The following CNTNAP5 variants were observed in gnomAD, a reference collection of about 807,000 sequenced individuals.
CNTNAP5 encodes contactin associated protein family member 5.
CNTNAP5 carries 72 observed loss-of-function variants against 150.2 expected under a neutral mutation model. The ratio of observed to expected loss-of-function variants is 0.48; its 90% confidence interval spans 0.40 to 0.58. The LOEUF (loss-of-function observed/expected upper bound fraction) is 0.58, where lower values mean the gene tolerates loss of function less well. Among genes scored for constraint, CNTNAP5 ranks in the 20% least tolerant of loss-of-function variants. The pLI is 0.00. For missense variants in CNTNAP5, 1,636 were observed against 1,626.2 expected (o/e 1.01, Z -0.10); for synonymous variants, 672 against 619.8 (o/e 1.08, Z -1.25).
At chr2:124,807,723 G>A in intron 19 of CNTNAP5, among the ~76,000 whole-genome samples, 1 of 152,144 alleles carries the variant, frequency 6.6e-6, no homozygotes, top group East Asian at 1.9e-4. Flanking sequence ...CAAGGAACCT[G>A]CCATGTTTTT....
At chr2:124,772,340 T>G (rs549634402) in intron 16 of CNTNAP5, among the ~76,000 whole-genome samples, 1 of 152,206 alleles carries the variant, frequency 6.6e-6, no homozygotes, top group Admixed American at 6.5e-5. Flanking sequence ...TGAGCTTTTT[T>G]CATTATGGAA....
intron 13 of CNTNAP5, among the ~76,000 whole-genome samples, chr2:124,706,822 G>T (rs1383207666): frequency 1.4e-4 from 1 of 7,318 alleles, no homozygotes; most frequent in African/African-American, 4.5e-4. Context: ...GGAGGAGGAG[G>T]AGGAAGAGGA....
At chr2:124,713,244 TC>T (rs763183364) in intron 13 of CNTNAP5, among the ~76,000 whole-genome samples, 1,928 of 22,678 alleles carry the variant, frequency 0.085, 273 homozygotes, top group Non-Finnish European at 0.12. Context: ...TCTTTCTTTC[TC>T]TTTCTTTCTT....
At chr2:124,235,329 A>G (rs1686722025) in intron 2 of CNTNAP5, among the ~76,000 whole-genome samples, 1 of 152,088 alleles carries the variant, frequency 6.6e-6, no homozygotes. Context: ...CAGCTGAAGG[A>G]TGAGTTCACC....
chr2:124,798,035 G>A (rs1681883564), intron 18 of CNTNAP5, 61 bp from the exon 19 acceptor site: 1 of 1,312,024 alleles, frequency 7.6e-7, no homozygotes, highest in Non-Finnish European at 1.1e-6. Context: ...AGCAGCTAAG[G>A]TTAGCTTGAA....
chr2:124,751,584 T>C (rs966674993), intron 14 of CNTNAP5, among the ~76,000 whole-genome samples: 1 of 152,256 alleles, frequency 6.6e-6, no homozygotes, highest in African/African-American at 2.4e-5. Context: ...TCAACATACA[T>C]GCAACTTATT....
At chr2:124,637,750 A>AT (rs965796862) in intron 12 of CNTNAP5, among the ~76,000 whole-genome samples, 3 of 151,954 alleles carry the variant, frequency 2.0e-5, no homozygotes, top group East Asian at 3.9e-4. Context: ...TACAGAAGAG[A>AT]TTTTTTTCCC....
intron 7 of CNTNAP5, among the ~76,000 whole-genome samples, chr2:124,483,370 G>A (rs186777404): frequency 4.6e-5 from 7 of 152,312 alleles, no homozygotes; most frequent in African/African-American, 1.7e-4. Context: ...AATATGGAAG[G>A]CTGAAATTGT....
At chr2:124,910,349 A>C (rs1354876856) in intron 22 of CNTNAP5, among the ~76,000 whole-genome samples, 2 of 152,134 alleles carry the variant, frequency 1.3e-5, no homozygotes, top group East Asian at 3.9e-4. Context: ...AGAAGAAACA[A>C]GATTTAGTGA....
intron 3 of CNTNAP5, among the ~76,000 whole-genome samples, chr2:124,338,169 T>C (rs1181197151): frequency 6.6e-6 from 1 of 152,042 alleles, no homozygotes; most frequent in Non-Finnish European, 1.5e-5. Context: ...TCTCTGTTTG[T>C]CTGTTGTTGG....
At chr2:124,026,546 T>C (rs1327356305) in intron 1 of CNTNAP5, among the ~76,000 whole-genome samples, 1 of 152,228 alleles carries the variant, frequency 6.6e-6, no homozygotes, top group East Asian at 1.9e-4. Flanking sequence ...AATAAATCTC[T>C]GGAGCTATGA....
At chr2:124,026,712 C>G (rs1680900818) in intron 1 of CNTNAP5, among the ~76,000 whole-genome samples, 1 of 152,184 alleles carries the variant, frequency 6.6e-6, no homozygotes, top group African/African-American at 2.4e-5. Flanking sequence ...GGGCTTGCTC[C>G]CATATCCCTT....
At chr2:124,504,578 G>T (rs1694358263) in intron 8 of CNTNAP5, 22 bp downstream of exon 8, 1 of 1,608,638 alleles carries the variant, frequency 6.2e-7, no homozygotes, top group Non-Finnish European at 8.5e-7. Flanking sequence ...TGACACTCTG[G>T]ATCAGCTTCT....
intron 3 of CNTNAP5, among the ~76,000 whole-genome samples, chr2:124,415,874 A>G (rs1363383281): frequency 6.6e-6 from 1 of 152,178 alleles, no homozygotes; most frequent in Non-Finnish European, 1.5e-5. Flanking sequence ...AAAAAAATAT[A>G]TTAGGTGTGA....
chr2:124,834,950 A>G (rs1227494762), intron 19 of CNTNAP5, among the ~76,000 whole-genome samples: 1 of 151,730 alleles, frequency 6.6e-6, no homozygotes, highest in Non-Finnish European at 1.5e-5. Flanking sequence ...CATAAAATGT[A>G]TTGACCCTTG....
chr2:124,423,045 T>C (rs1692145706), intron 4 of CNTNAP5, among the ~76,000 whole-genome samples: 1 of 152,184 alleles, frequency 6.6e-6, no homozygotes. Context: ...ATCTGAAAAC[T>C]TGAGAAGTCA....
intron 13 of CNTNAP5, among the ~76,000 whole-genome samples, chr2:124,664,369 C>A (rs961999794): frequency 6.7e-6 from 1 of 149,674 alleles, no homozygotes; most frequent in African/African-American, 2.5e-5. Flanking sequence ...AAGTGTGGTG[C>A]AATAACAACA....
At chr2:124,599,388 C>T (rs1696926961) in intron 11 of CNTNAP5, among the ~76,000 whole-genome samples, 1 of 151,780 alleles carries the variant, frequency 6.6e-6, no homozygotes, top group Non-Finnish European at 1.5e-5. Flanking sequence ...AAATATTGAA[C>T]CTCTCTTGAT....
intron 1 of CNTNAP5, among the ~76,000 whole-genome samples, chr2:124,148,099 CA>C (rs1684298094): frequency 6.6e-6 from 1 of 152,102 alleles, no homozygotes; most frequent in African/African-American, 2.4e-5. Flanking sequence ...CTCAGGTTGT[CA>C]AGGCTTATAA....
Sources: gnomAD v4.1 joint callset for allele counts (sites outside exome capture counted in the v4.1 genomes callset) on GRCh38, gnomAD v4.1.1 for gene constraint, MANE v1.5 for transcripts, NCBI Gene and HGNC (gene_info 2026-07-23, HGNC 2026-07-21) for gene names.